The following DNAJC15 variants were observed in gnomAD, a reference collection of about 807,000 sequenced individuals.
The protein encoded by DNAJC15 is dnaJ homolog subfamily C member 15.
In DNAJC15, 27 loss-of-function variants were observed where a neutral mutation model predicts 22.4. That is an observed-to-expected ratio of 1.20 (90% CI 0.89 to 1.66). The LOEUF (loss-of-function observed/expected upper bound fraction) is 1.66, where lower values mean the gene tolerates loss of function less well. Ranked by LOEUF, DNAJC15 falls within the 40% of genes most tolerant of loss-of-function variation. The pLI, the probability that DNAJC15 is intolerant of heterozygous loss-of-function variation, is 0.00. For missense variants in DNAJC15, 208 were observed against 187.1 expected, an observed-to-expected ratio of 1.11 and a Z score of -0.65; for synonymous variants, 79 against 63.2, an observed-to-expected ratio of 1.25 and a Z score of -1.19.
intron 1 of DNAJC15, among the ~76,000 whole-genome samples, chr13:43,050,899 T>G (rs964243070): frequency 2.6e-5 from 4 of 152,166 alleles, no homozygotes; most frequent in African/African-American, 9.7e-5. Flanking sequence ...TCAATTTTGG[T>G]TATTTACTGA....
At chr13:43,064,972 A>G (rs2040576481) in intron 1 of DNAJC15, among the ~76,000 whole-genome samples, 1 of 30,500 alleles carries the variant, frequency 3.3e-5, no homozygotes, top group Non-Finnish European at 6.0e-5. Context: ...ATCATATTGA[A>G]AAAAAAAAAA....
At position 43,078,697 on chromosome 13, in the gene DNAJC15, G is replaced by GCAGCATA; in HGVS notation, c.311+10_311+16dup. 1 of 1,611,748 alleles carries GCAGCATA rather than the reference G, an allele frequency of 6.2e-7. No homozygotes were observed. Among genetic ancestry groups the GCAGCATA allele is most frequent in the Non-Finnish European group, 8.5e-7 (1 of 1,178,376 alleles). On this transcript the variant is annotated intron_variant, in intron 4 of 5. Transcript: ENST00000379221. ...CTTATTTTAGGTGTAAGGTAGGTGT[G>GCAGCATA]CAGCATAAGTATTGTTTTGTTGTGT...
intron 5 of DNAJC15, 142 bp from the exon 6 acceptor site, chr13:43,107,036 A>G: frequency 1.6e-6 from 1 of 635,950 alleles, no homozygotes; most frequent in East Asian, 3.5e-5. Flanking sequence ...TACTGTTTTG[A>G]TTTCTAGTTA....
intron 1 of DNAJC15, among the ~76,000 whole-genome samples, chr13:43,048,034 A>T (rs191405848): frequency 6.9e-4 from 105 of 152,256 alleles, no homozygotes; most frequent in African/African-American, 2.4e-3. Context: ...TTTCACTGAC[A>T]ATTTGCCATC....
At chr13:43,041,109 G>A (rs1262875768) in intron 1 of DNAJC15, among the ~76,000 whole-genome samples, 2 of 152,096 alleles carry the variant, frequency 1.3e-5, no homozygotes, top group African/African-American at 4.8e-5. Context: ...GCTGGGGGAC[G>A]GTCAGGTCTT....
chr13:43,052,712 C>T (rs763503160), intron 1 of DNAJC15, among the ~76,000 whole-genome samples: 11 of 152,140 alleles, frequency 7.2e-5, no homozygotes, highest in African/African-American at 1.9e-4. Context: ...ACACTGTGCT[C>T]GGCCATTAGC....
intron 1 of DNAJC15, among the ~76,000 whole-genome samples, chr13:43,032,347 T>C (rs959599569): frequency 1.3e-5 from 2 of 152,200 alleles, no homozygotes; most frequent in African/African-American, 4.8e-5. Context: ...CAGCTGTAAT[T>C]TGAATTCCAC....
At chr13:43,071,320 T>C (rs184909530) in intron 3 of DNAJC15, among the ~76,000 whole-genome samples, 64 of 152,318 alleles carry the variant, frequency 4.2e-4, no homozygotes, top group African/African-American at 1.3e-3. Context: ...GGTACCTGCG[T>C]TTCTTAAAGG....
intron 5 of DNAJC15, among the ~76,000 whole-genome samples, chr13:43,104,547 T>C (rs2040786834): frequency 6.6e-6 from 1 of 152,202 alleles, no homozygotes; most frequent in African/African-American, 2.4e-5. Context: ...CTTCTGGCCA[T>C]ATTTAGTGGT....
intron 5 of DNAJC15, among the ~76,000 whole-genome samples, chr13:43,106,412 A>G (rs1455609729): frequency 1.3e-5 from 2 of 152,238 alleles, no homozygotes; most frequent in East Asian, 1.9e-4. Flanking sequence ...GTGATTTACA[A>G]TGATTCTGCA....
intron 1 of DNAJC15, among the ~76,000 whole-genome samples, chr13:43,036,176 T>TA (rs1326761235): frequency 6.7e-6 from 1 of 150,318 alleles, no homozygotes; most frequent in East Asian, 1.9e-4. Context: ...CTTTTTTTTT[T>TA]TTTTTTTTTG....
At chr13:43,081,030 A>T (rs1488497674) in intron 4 of DNAJC15, among the ~76,000 whole-genome samples, 1 of 152,226 alleles carries the variant, frequency 6.6e-6, no homozygotes, top group Non-Finnish European at 1.5e-5. Context: ...AACCTATTTT[A>T]AAAATACTGT....
At chr13:43,042,235 C>T (rs950099403) in intron 1 of DNAJC15, among the ~76,000 whole-genome samples, 4 of 152,022 alleles carry the variant, frequency 2.6e-5, no homozygotes, top group African/African-American at 4.8e-5. Flanking sequence ...AAATTAGGTA[C>T]AGTAAGACAT....
chr13:43,100,242 CTG>C (rs1173695723), intron 5 of DNAJC15, among the ~76,000 whole-genome samples: 1 of 133,900 alleles, frequency 7.5e-6, no homozygotes, highest in East Asian at 2.4e-4. Context: ...GGGTCTCACT[CTG>C]TCACCCAGAC....
At chr13:43,055,100 G>C (rs959222243) in intron 1 of DNAJC15, among the ~76,000 whole-genome samples, 1 of 151,228 alleles carries the variant, frequency 6.6e-6, no homozygotes, top group Non-Finnish European at 1.5e-5. Flanking sequence ...GAGACGTCGT[G>C]GGGGAGGGGT....
At chr13:43,105,026 C>T (rs1051127749) in intron 5 of DNAJC15, among the ~76,000 whole-genome samples, 1 of 151,462 alleles carries the variant, frequency 6.6e-6, no homozygotes, top group Non-Finnish European at 1.5e-5. Flanking sequence ...GGGTATGCAT[C>T]CTATCCTATG....
chr13:43,050,787 T>C (rs2040499367), intron 1 of DNAJC15, among the ~76,000 whole-genome samples: 1 of 152,192 alleles, frequency 6.6e-6, no homozygotes, highest in African/African-American at 2.4e-5. Flanking sequence ...TTAGCCTTGA[T>C]TTGAAATTGA....
At chr13:43,064,618 T>C (rs986044218) in intron 1 of DNAJC15, among the ~76,000 whole-genome samples, 14 of 152,206 alleles carry the variant, frequency 9.2e-5, no homozygotes, top group Non-Finnish European at 2.9e-5. Flanking sequence ...CCCAAAAATA[T>C]AGTGGCTTAG....
At chr13:43,070,764 A>C (rs1593321535) in intron 3 of DNAJC15, among the ~76,000 whole-genome samples, 1 of 152,192 alleles carries the variant, frequency 6.6e-6, no homozygotes, top group Non-Finnish European at 1.5e-5. Flanking sequence ...CCTAATAGAC[A>C]ATGAAAAAAA....
Sources: gnomAD v4.1 joint callset for allele counts (sites outside exome capture counted in the v4.1 genomes callset) on GRCh38, gnomAD v4.1.1 for gene constraint, MANE v1.5 for transcripts, NCBI Gene and HGNC (gene_info 2026-07-23, HGNC 2026-07-21) for gene names.